The following TUBA1C variants were observed in gnomAD, a reference collection of about 807,000 sequenced individuals.
TUBA1C encodes the protein tubulin alpha-1C chain.
In TUBA1C, 16 loss-of-function variants were observed where a neutral mutation model predicts 34.9. The ratio of observed to expected loss-of-function variants is 0.46; its 90% confidence interval spans 0.31 to 0.70. The LOEUF (loss-of-function observed/expected upper bound fraction) is 0.70. TUBA1C is among the 30% of genes least tolerant of loss of function. TUBA1C has a pLI of 0.05. For missense variants in TUBA1C, 329 were observed against 587.3 expected, an observed-to-expected ratio of 0.56 and a Z score of 4.55; for synonymous variants, 177 against 215.9, an observed-to-expected ratio of 0.82 and a Z score of 1.58.
At chr12:49,246,407 C>T (rs1457997171) in intron 1 of TUBA1C, among the ~76,000 whole-genome samples, 2 of 151,440 alleles carry the variant, frequency 1.3e-5, no homozygotes, top group African/African-American at 2.4e-5. Context: ...TGGCCGGGCG[C>T]GGTGGCTCAC....
rs959186120 is a variant in TUBA1C at position 49,243,134 on chromosome 12, C to T, written c.213+14968C>T. Among the ~76,000 whole-genome samples the T allele has an allele frequency of 2.6e-5, 4 of 152,036 alleles. No individual in the cohort carries two copies. The East Asian group carries it at 7.7e-4, about 29-fold the overall frequency. ...TGACTTCCAATTCTAAGAAGCTTGC[C>T]GTGAATTTGTTAAGATGAAATAAGG... On this transcript the variant is annotated intron_variant, in intron 1 of 3. Transcript: ENST00000541364.
chr12:49,273,070 T>C lies in TUBA1C; in HGVS notation c.1193T>C (p.Met398Thr), dbSNP rs747072514. The C allele has an allele frequency of 1.9e-6, 3 of 1,614,208 alleles. No homozygotes were observed. Among genetic ancestry groups the C allele is most frequent in the Non-Finnish European group, 2.5e-6 (3 of 1,180,034 alleles). ...CGCCTGGACCACAAGTTTGACCTGA[T>C]GTATGCCAAGCGTGCCTTTGTTCAC... Reference protein sequence around the residue: ...WARLDHKFDLMYAKRAFVHWY... With the variant: ...WARLDHKFDLTYAKRAFVHWY... The change falls in exon 4 of 4, where the codon ATG becomes ACG. Residue 398 changes from methionine to threonine, a missense_variant. Transcript: ENST00000301072.
At chr12:49,248,519 G>C (rs1333050373) in intron 1 of TUBA1C, among the ~76,000 whole-genome samples, 1 of 150,556 alleles carries the variant, frequency 6.6e-6, no homozygotes, top group Non-Finnish European at 1.5e-5. Flanking sequence ...AGTGAGCTGA[G>C]ACCGGGTTGT....
At position 49,272,363 on chromosome 12, in the gene TUBA1C, C is replaced by G. The variant is rs1412207395; in HGVS notation, c.486C>G (p.Gly162=). The change falls in exon 4 of 4, where the codon GGC becomes GGG. Residue 162 remains glycine, a synonymous_variant. Coordinates refer to ENST00000301072, the MANE Select transcript of TUBA1C (RefSeq NM_032704.5). ...TGGAACGTCTCTCAGTTGATTATGG[C>G]AAGAAGTCCAAGCTGGAGTTCTCCA... ...LLMERLSVDY[G]KKSKLEFSIY... is the part of the protein sequence containing the mutation. The G allele has an allele frequency of 1.2e-6, 2 of 1,613,962 alleles. No individual in the cohort carries two copies. Among genetic ancestry groups the G allele is most frequent in the Non-Finnish European group, 1.7e-6 (2 of 1,180,024 alleles).
At chr12:49,266,304 C>CT in intron 1 of TUBA1C, among the ~76,000 whole-genome samples, 1 of 149,546 alleles carries the variant, frequency 6.7e-6, no homozygotes, top group East Asian at 2.0e-4. Context: ...GTGGCAGGCG[C>CT]TTGTAGTCTC....
upstream of TUBA1C, among the ~76,000 whole-genome samples, chr12:49,263,946 C>G (rs1389039955): frequency 1.3e-5 from 2 of 151,976 alleles, no homozygotes; most frequent in Non-Finnish European, 2.9e-5. Context: ...CTCGGCCAGG[C>G]GCGGTGGCTC....
chr12:49,239,534 A>T (rs7133057), intron 1 of TUBA1C, among the ~76,000 whole-genome samples: 14,639 of 151,846 alleles, frequency 0.096, 793 homozygotes, highest in East Asian at 0.14. Context: ...CCAGCTACTC[A>T]GGAGGCTGAG....
chr12:49,265,344 G>C (rs973565085), intron 1 of TUBA1C, 160 bp downstream of exon 1: 3 of 512,844 alleles, frequency 5.8e-6, no homozygotes, highest in African/African-American at 5.8e-5. Context: ...GGAAGGTCGA[G>C]TTCACTTGGC....
At position 49,272,663 on chromosome 12, in the gene TUBA1C, C is replaced by T. The variant is rs200651108; in HGVS notation, c.786C>T (p.Tyr262=). 5.4e-3 allele frequency: 8,576 copies of T among 1,601,430 alleles called. 106 individuals carry two copies. The highest frequency in any genetic ancestry group is 0.022 in the South Asian group (1,989 of 89,746). The change falls in exon 4 of 4, where the codon TAC becomes TAT. Residue 262 remains tyrosine, a synonymous_variant. Coordinates refer to ENST00000301072, the MANE Select transcript of TUBA1C (RefSeq NM_032704.5). ...LTEFQTNLVP[Y]PRIHFPLATY... Reference sequence around the variant, plus strand: ...AATTCCAGACCAACCTGGTGCCCTACCCCCGCATCCACTTCCCTCTGGCCA... The same window carrying T: ...AATTCCAGACCAACCTGGTGCCCTATCCCCGCATCCACTTCCCTCTGGCCA...
At chr12:49,246,937 C>T (rs1259479805) in intron 1 of TUBA1C, among the ~76,000 whole-genome samples, 1 of 151,648 alleles carries the variant, frequency 6.6e-6, no homozygotes, top group Non-Finnish European at 1.5e-5. Flanking sequence ...GTCAGGAGCT[C>T]GAGACCAGCC....
upstream of TUBA1C, among the ~76,000 whole-genome samples, chr12:49,260,855 C>T (rs779302671): frequency 1.4e-4 from 22 of 152,150 alleles, no homozygotes; most frequent in South Asian, 4.2e-4. Context: ...TAAAGCCTTC[C>T]GAGTAGCTGG....
At position 49,254,691 on chromosome 12, in the gene TUBA1C, C is replaced by A. The variant is rs188896041; in HGVS notation, c.214-14774C>A. On this transcript the variant is annotated intron_variant, in intron 1 of 3. Transcript: ENST00000541364. Reference sequence around the variant, plus strand: ...GGTAGTTTAGGGATTTTTATGGAGGCTTCATCACGTAGGCATGATCAGTTT... The same window carrying A: ...GGTAGTTTAGGGATTTTTATGGAGGATTCATCACGTAGGCATGATCAGTTT... Among the ~76,000 whole-genome samples the A allele has an allele frequency of 1.5e-3, 223 of 152,110 alleles. 1 individual carries two copies. Among genetic ancestry groups the A allele is most frequent in the African/African-American group, 5.2e-3 (216 of 41,490 alleles).
intron 1 of TUBA1C, among the ~76,000 whole-genome samples, chr12:49,241,811 G>C (rs913930261): frequency 1.3e-5 from 2 of 151,464 alleles, no homozygotes. Context: ...CGACACGCCC[G>C]GCTAATTTTT....
intron 1 of TUBA1C, among the ~76,000 whole-genome samples, chr12:49,230,764 G>A (rs543350823): frequency 1.3e-5 from 2 of 152,326 alleles, no homozygotes; most frequent in African/African-American, 4.8e-5. Context: ...GTTAATAAAT[G>A]GAGCTATGGA....
upstream of TUBA1C, among the ~76,000 whole-genome samples, chr12:49,263,841 G>C (rs144877368): frequency 6.6e-6 from 1 of 152,214 alleles, no homozygotes; most frequent in East Asian, 1.9e-4. Context: ...TTAATTCCTC[G>C]GAGCTCTACT....
chr12:49,254,268 G>A (rs1942760323), intron 1 of TUBA1C, among the ~76,000 whole-genome samples: 1 of 151,970 alleles, frequency 6.6e-6, no homozygotes. Flanking sequence ...CCAAGATCAT[G>A]CCATTGCACT....
intron 1 of TUBA1C, among the ~76,000 whole-genome samples, chr12:49,238,042 G>C (rs938850599): frequency 6.6e-6 from 1 of 151,334 alleles, no homozygotes; most frequent in Non-Finnish European, 1.5e-5. Flanking sequence ...CTGGGAGGCA[G>C]AGGTTGCAGT....
chr12:49,250,479 G>A (rs1161741872), intron 1 of TUBA1C, among the ~76,000 whole-genome samples: 5 of 147,898 alleles, frequency 3.4e-5, no homozygotes, highest in Admixed American at 1.4e-4. Context: ...AGCCGAGATC[G>A]CGCCACTGCA....
chr12:49,264,851 C>CCCTTCCTCT (rs1942881423), upstream of TUBA1C: 2 of 216,130 alleles, frequency 9.3e-6, no homozygotes, highest in East Asian at 1.9e-4. Flanking sequence ...CCCCTTCCTC[C>CCCTTCCTCT]CCTTCCTCCC....
Sources: gnomAD v4.1 joint callset for allele counts (sites outside exome capture counted in the v4.1 genomes callset) on GRCh38, gnomAD v4.1.1 for gene constraint, MANE v1.5 for transcripts, NCBI Gene and HGNC (gene_info 2026-07-23, HGNC 2026-07-21) for gene names.